THSD7B: variants seen among roughly 807,000 people sequenced by gnomAD.
THSD7B encodes the protein thrombospondin type 1 domain containing 7B, also known as thrombospondin type-1 domain-containing protein 7B.
A neutral mutation model predicts 213.6 loss-of-function variants in THSD7B; 138 were observed. That is an observed-to-expected ratio of 0.65 (90% CI 0.56 to 0.74). THSD7B has a LOEUF of 0.74. Among genes scored for constraint, THSD7B ranks in the 30% least tolerant of loss-of-function variants. The pLI, the probability that THSD7B is intolerant of heterozygous loss-of-function variation, is 0.00. For synonymous variants in THSD7B, 742 were observed against 687.0 expected, an observed-to-expected ratio of 1.08 and a Z score of -1.25; for missense variants, 1,931 against 1,991.5, an observed-to-expected ratio of 0.97 and a Z score of 0.58.
chr2:137,452,769 G>A (rs959304295), intron 15 of THSD7B, among the ~76,000 whole-genome samples: 1 of 152,106 alleles, frequency 6.6e-6, no homozygotes, highest in African/African-American at 2.4e-5. Flanking sequence ...GTAAGAATAA[G>A]ATAAAAATAA....
chr2:137,036,389 A>G (rs1686776422), intron 2 of THSD7B, among the ~76,000 whole-genome samples: 1 of 152,222 alleles, frequency 6.6e-6, no homozygotes, highest in Non-Finnish European at 1.5e-5. Context: ...TTTTAATGGA[A>G]ATATTCATTT....
rs374556814 is a variant in THSD7B, at chr2:137,057,238, A to C, written c.950+8A>C. The C allele has an allele frequency of 5.8e-5, 91 of 1,576,994 alleles. No individual in the cohort carries two copies. The highest frequency in any genetic ancestry group is 7.3e-5 in the Non-Finnish European group (85 of 1,160,972). On this transcript the variant is annotated splice_region_variant and intron_variant, in intron 3 of 27. Transcript: ENST00000409968. ...ACAAAATGCTATGTTAAGGTAGGAG[A>C]CCTTTGATGCTTGAATTTGATTCAC... is the stretch of plus-strand genomic sequence containing the variant.
At chr2:137,511,982 C>G (rs935224454) in intron 15 of THSD7B, 1 of 152,190 alleles carries the variant, frequency 6.6e-6, no homozygotes, top group African/African-American at 2.4e-5. Flanking sequence ...AATGTCCCAG[C>G]CAGTGGCCAC....
At position 137,620,593 on chromosome 2, in the gene THSD7B, T is replaced by TAATTTC. The variant is rs1682500352; in HGVS notation, c.3682-16_3682-15insAATTTC. On this transcript the variant is annotated splice_polypyrimidine_tract_variant and intron_variant, in intron 19 of 27. Transcript: ENST00000409968. ...GTGATTTCTCCAATAAAGTTGTGTTTCATTTCCATTTGCAGCATAATTTGG... is the reference window on the plus strand; with the variant it reads ...GTGATTTCTCCAATAAAGTTGTGTTTAATTTCCATTTCCATTTGCAGCATAATTTGG... 6.3e-7 allele frequency: 1 copy of TAATTTC among 1,595,054 alleles called. No individual in the cohort carries two copies. Among genetic ancestry groups the TAATTTC allele is most frequent in the African/African-American group, 1.3e-5 (1 of 74,610 alleles).
intron 1 of THSD7B, among the ~76,000 whole-genome samples, chr2:136,773,337 C>T (rs1056119547): frequency 7.9e-5 from 12 of 152,008 alleles, no homozygotes; most frequent in East Asian, 3.9e-4. Flanking sequence ...GAGTGATTTG[C>T]GCCAAGTCGG....
At chr2:137,207,028 A>AAG (rs1681000415) in intron 7 of THSD7B, among the ~76,000 whole-genome samples, 2 of 151,662 alleles carry the variant, frequency 1.3e-5, no homozygotes, top group African/African-American at 2.4e-5. Flanking sequence ...GAAAGTTCAG[A>AAG]GGGGAGAGAG....
chr2:137,154,058 G>A (rs1327441518), intron 5 of THSD7B, among the ~76,000 whole-genome samples: 1 of 152,090 alleles, frequency 6.6e-6, no homozygotes, highest in Non-Finnish European at 1.5e-5. Flanking sequence ...GGAGGTTGAT[G>A]TTGTATTCTG....
intron 3 of THSD7B, among the ~76,000 whole-genome samples, chr2:137,057,602 T>C (rs1006272470): frequency 6.6e-6 from 1 of 152,220 alleles, no homozygotes; most frequent in African/African-American, 2.4e-5. Flanking sequence ...ATGTGGGATA[T>C]GAATTATGTA....
At chr2:136,791,198 G>A (rs1681958558) in intron 1 of THSD7B, among the ~76,000 whole-genome samples, 1 of 151,914 alleles carries the variant, frequency 6.6e-6, no homozygotes, top group African/African-American at 2.4e-5. Context: ...CAACTTCTAG[G>A]TTTTCTCCCC....
At chr2:137,163,977 C>T (rs1332284665) in intron 6 of THSD7B, among the ~76,000 whole-genome samples, 1 of 152,162 alleles carries the variant, frequency 6.6e-6, no homozygotes, top group African/African-American at 2.4e-5. Context: ...AAGTTTGGAT[C>T]AAAGTACAAG....
At chr2:136,981,855 G>C (rs146876876) in intron 2 of THSD7B, among the ~76,000 whole-genome samples, 7 of 152,214 alleles carry the variant, frequency 4.6e-5, no homozygotes, top group Admixed American at 6.5e-5. Flanking sequence ...TTATCTGCCT[G>C]TGAGCTCTAT....
chr2:137,219,838 G>A (rs957429285), intron 7 of THSD7B, among the ~76,000 whole-genome samples: 1 of 152,002 alleles, frequency 6.6e-6, no homozygotes, highest in Non-Finnish European at 1.5e-5. Flanking sequence ...TATACTAAAT[G>A]GATACTAAAT....
At chr2:137,315,135 G>A (rs10427266) in intron 12 of THSD7B, among the ~76,000 whole-genome samples, 9,806 of 152,174 alleles carry the variant, frequency 0.064, 417 homozygotes, top group East Asian at 0.15. Flanking sequence ...TTGATCTCAG[G>A]CTGCTGTGCT....
At chr2:136,944,988 G>A (rs951243508) in intron 2 of THSD7B, among the ~76,000 whole-genome samples, 1 of 152,062 alleles carries the variant, frequency 6.6e-6, no homozygotes, top group Admixed American at 6.6e-5. Flanking sequence ...TAGCATCGAT[G>A]GTCTTTACAA....
chr2:137,216,650 C>T (rs961789381), intron 7 of THSD7B, among the ~76,000 whole-genome samples: 14 of 152,102 alleles, frequency 9.2e-5, no homozygotes, highest in African/African-American at 4.8e-5. Context: ...GGCAAAGATC[C>T]GTAAGTCAGC....
intron 12 of THSD7B, among the ~76,000 whole-genome samples, chr2:137,352,791 G>A (rs906350435): frequency 6.6e-6 from 1 of 151,862 alleles, no homozygotes; most frequent in African/African-American, 2.4e-5. Flanking sequence ...TGTTTAAGAA[G>A]GGTTAAAGGG....
At position 137,450,831 on chromosome 2, in the gene THSD7B, T is replaced by C. The variant is rs567400041; in HGVS notation, c.2960-14T>C. ...TTTAATCAGACTTTCTTCTCTTAAA[T>C]CTTTTTCTGTCAGGTTACATTCAAG... On this transcript the variant is annotated splice_polypyrimidine_tract_variant and intron_variant, in intron 14 of 27. Transcript: ENST00000409968. 3.8e-6 allele frequency: 6 copies of C among 1,573,090 alleles called. No individual in the cohort carries two copies. The South Asian group carries it at 7.1e-5, about 18-fold the overall frequency.
chr2:137,510,549 A>G (rs572001288), intron 15 of THSD7B, among the ~76,000 whole-genome samples: 25 of 152,100 alleles, frequency 1.6e-4, no homozygotes, highest in Non-Finnish European at 2.4e-4. Flanking sequence ...CATACTTACC[A>G]TTTCTGATGC....
intron 5 of THSD7B, among the ~76,000 whole-genome samples, chr2:137,126,639 T>C (rs1688633854): frequency 6.6e-6 from 1 of 152,198 alleles, no homozygotes; most frequent in South Asian, 2.1e-4. Flanking sequence ...ATTCATGTGT[T>C]TACTGCAATA....
Sources: allele counts gnomAD v4.1 joint callset (sites outside exome capture counted in the v4.1 genomes callset), GRCh38; gene constraint gnomAD v4.1.1; transcripts MANE v1.5; gene names NCBI Gene and HGNC (gene_info 2026-07-23, HGNC 2026-07-21).